Variants in COL7A1 observed in about 807,000 individuals in gnomAD.
COL7A1 encodes collagen type VII alpha 1 chain, also known as collagen alpha-1(VII) chain.
In COL7A1, 296 loss-of-function variants were observed where a neutral mutation model predicts 456.2. The ratio of observed to expected loss-of-function variants is 0.65; its 90% CI spans 0.59 to 0.71. The LOEUF is 0.71. Among genes scored for constraint, COL7A1 ranks in the 30% least tolerant of loss-of-function variants. The pLI, the probability that COL7A1 is intolerant of heterozygous loss-of-function variation, is 0.00. For missense variants in COL7A1, 3,441 were observed against 4,017.2 expected (o/e 0.86, Z 3.88); for synonymous variants, 1,464 against 1,525.9 (o/e 0.96, Z 0.95).
Position 48,565,401 on chromosome 3 carries a change from T to C in COL7A1, c.8527+9A>G, listed in dbSNP as rs780284810. On this transcript the variant is annotated intron_variant, in intron 116 of 118. Coordinates refer to ENST00000681320, the MANE Select transcript of COL7A1 (RefSeq NM_000094.4). The surrounding 1 kb of genome is among the most constrained non-coding windows in gnomAD (Gnocchi z 4.5). ...CCCATAGCTGCCCCACGGGTTCAGC[T>C]GTCCTCACCTTCCTCCTCTGCATGA... 1.6e-5 allele frequency: 25 copies of C among 1,600,030 alleles called. No individual in the cohort carries two copies. The South Asian group carries it at 2.8e-4, about 18-fold the overall frequency.
chr3:48,566,144 C>T lies in COL7A1; in HGVS notation c.8407+123G>A. The T allele has an allele frequency of 9.6e-7, 1 of 1,039,648 alleles. No homozygotes were observed. The allele number at this position is 1,039,648 out of a possible 1,614,324, so 64.4% of individuals were successfully genotyped here. On this transcript the variant is annotated intron_variant, in intron 114 of 118. Coordinates refer to ENST00000681320, the MANE Select transcript of COL7A1 (RefSeq NM_000094.4). This position sits in a 1 kb window ranked among gnomAD's most constrained non-coding sequence, Gnocchi z 5.9. Reference sequence around the variant, plus strand: ...GTGTCAGTCCTGCAGCACATGTGTCCTTCTGTGTATCCATCCATCCCCCCA... The same window carrying T: ...GTGTCAGTCCTGCAGCACATGTGTCTTTCTGTGTATCCATCCATCCCCCCA...
rs1014532231 is a variant in COL7A1, at chr3:48,591,337, T to C, written c.1636+127A>G. ...GCTCAGTGCCATCTTGGGAAGCAGA[T>C]GGATAACGAGACAGGGAGGAGACTA... On this transcript the variant is annotated intron_variant, in intron 13 of 118. Coordinates refer to ENST00000681320, the MANE Select transcript of COL7A1 (RefSeq NM_000094.4). The surrounding 1 kb of genome is among the most constrained non-coding windows in gnomAD (Gnocchi z 7.0). 30 of 1,322,188 alleles carry C rather than the reference T, an allele frequency of 2.3e-5. No homozygotes were observed. Among genetic ancestry groups the C allele is most frequent in the Non-Finnish European group, 3.0e-5 (29 of 957,232 alleles). The allele number at this position is 1,322,188 out of a possible 1,614,324, so 81.9% of individuals were successfully genotyped here.
At chr3:48,577,337 A>G (rs1370027759) in intron 65 of COL7A1, among the ~76,000 whole-genome samples, 4 of 152,188 alleles carry the variant, frequency 2.6e-5, no homozygotes, top group Non-Finnish European at 5.9e-5. Context: ...GTGCATATCC[A>G]TGTGTGTCTT....
At position 48,569,421 on chromosome 3, in the gene COL7A1, T is replaced by A; in HGVS notation, c.7640A>T (p.Asp2547Val). 1 of 1,614,040 alleles carries A rather than the reference T, an allele frequency of 6.2e-7. No individual in the cohort carries two copies. The highest frequency in any genetic ancestry group is 8.5e-7 in the Non-Finnish European group (1 of 1,179,970). ...GTCTCCCCGAGGTCCTTTGTCACCA[T>A]CCAAGCCCCGAGGCCCTCGTTCACC... ...DMGERGPRGL[D>V]GDKGPRGDNG... Residue 2547 changes from aspartate (D) to valine (V), a missense_variant, in exon 103 of 119, where the codon GAT (aspartate) becomes GTT (valine). By Grantham distance (152) the Asp-to-Val change is radical (BLOSUM62 -3). This residue lies in a region of COL7A1 where 2,084 missense variants were observed against 2,501.3 expected (regional missense o/e 0.83). Transcript: ENST00000681320. This position sits in a 1 kb window ranked among gnomAD's most constrained non-coding sequence, Gnocchi z 4.9.
At position 48,574,444 on chromosome 3, in the gene COL7A1, G is replaced by A. The variant is rs768096806; in HGVS notation, c.6456+44C>T. 5 of 1,613,648 alleles carry A rather than the reference G, an allele frequency of 3.1e-6. No homozygotes were observed. The highest frequency in any genetic ancestry group is 2.5e-6 in the Non-Finnish European group (3 of 1,179,616). On this transcript the variant is annotated intron_variant, in intron 79 of 118. Transcript: ENST00000681320. The surrounding 1 kb of genome is among the most constrained non-coding windows in gnomAD (Gnocchi z 5.0). ...CCTGCACACAGGACAATACATGTGA[G>A]AGCCACCTTCTTGCACATGTGTGGC...
chr3:48,590,556 C>A lies in COL7A1; in HGVS notation c.1809G>T (p.Gly603=), dbSNP rs368807817. The change falls in exon 15 of 119, where the codon GGG becomes GGT. Residue 603 remains glycine (G), a synonymous_variant. Transcript: ENST00000681320. The surrounding 1 kb of genome is among the most constrained non-coding windows in gnomAD (Gnocchi z 4.6). ...REPETPLAVP[G]LRVVVSDATR... is the part of the protein sequence containing the mutation. ...TTGCATCTGACACCACAACCCGCAGCCCTGGAACAGCAAGTGGAGTTTCCG... is the reference window on the plus strand; with the variant it reads ...TTGCATCTGACACCACAACCCGCAGACCTGGAACAGCAAGTGGAGTTTCCG... The A allele has an allele frequency of 1.1e-5, 17 of 1,614,024 alleles. No homozygotes were observed. Among genetic ancestry groups the A allele is most frequent in the Non-Finnish European group, 1.4e-5 (16 of 1,180,036 alleles).
chr3:48,572,433 G>A lies in COL7A1; in HGVS notation c.6937-12C>T. ...CCTCCAGGGGCTCCCTGGTAAGGGG[G>A]AGAGGTCAGTGGGATTCCTTGGCCC... On this transcript the variant is annotated splice_polypyrimidine_tract_variant and intron_variant, in intron 89 of 118. Coordinates refer to ENST00000681320, the MANE Select transcript of COL7A1 (RefSeq NM_000094.4). The surrounding 1 kb of genome is among the most constrained non-coding windows in gnomAD (Gnocchi z 4.6). 1 of 1,614,092 alleles carries A rather than the reference G, an allele frequency of 6.2e-7. No homozygotes were observed. The highest frequency in any genetic ancestry group is 8.5e-7 in the Non-Finnish European group (1 of 1,179,978).
chr3:48,588,479 C>G lies in COL7A1; in HGVS notation c.2588-75G>C, dbSNP rs529307008. The G allele has an allele frequency of 1.3e-5, 20 of 1,594,046 alleles. No individual in the cohort carries two copies. The East Asian group carries it at 4.5e-4, about 36-fold the overall frequency. On this transcript the variant is annotated intron_variant, in intron 20 of 118. Transcript: ENST00000681320. The surrounding 1 kb of genome is among the most constrained non-coding windows in gnomAD (Gnocchi z 4.6). ...CACCAATCCCAGGCCCACCCTGGCACACGCACCCCGCCCAGCCTCTCAGAC... is the reference window on the plus strand; with the variant it reads ...CACCAATCCCAGGCCCACCCTGGCAGACGCACCCCGCCCAGCCTCTCAGAC...
Position 48,594,657 on chromosome 3 carries a change from T to C in COL7A1, c.86-109A>G. ...ATGGTGGGGAGAGTAGGCCTCATCTTATGCAAACCAGGGCCGAATCGGCCT... is the reference window on the plus strand; with the variant it reads ...ATGGTGGGGAGAGTAGGCCTCATCTCATGCAAACCAGGGCCGAATCGGCCT... On this transcript the variant is annotated intron_variant, in intron 2 of 118. Coordinates refer to ENST00000681320, the MANE Select transcript of COL7A1 (RefSeq NM_000094.4). This position sits in a 1 kb window ranked among gnomAD's most constrained non-coding sequence, Gnocchi z 5.5. The C allele has an allele frequency of 7.5e-7, 1 of 1,340,964 alleles. No individual in the cohort carries two copies. Among genetic ancestry groups the C allele is most frequent in the Non-Finnish European group, 1.0e-6 (1 of 979,346 alleles). The allele number at this position is 1,340,964 out of a possible 1,614,324, so 83.1% of individuals were successfully genotyped here.
chr3:48,572,407 GC>G lies in COL7A1; in HGVS notation c.6950del (p.Gly2317AlafsTer71). The G allele has an allele frequency of 1.9e-6, 3 of 1,614,114 alleles. No homozygotes were observed. The highest frequency in any genetic ancestry group is 2.5e-6 in the Non-Finnish European group (3 of 1,179,996). On this transcript the variant is annotated frameshift_variant, in exon 90 of 119. Transcript: ENST00000681320. LOFTEE classifies it high-confidence loss of function. The surrounding 1 kb of genome is among the most constrained non-coding windows in gnomAD (Gnocchi z 4.6). ...GAKGEKGAPG[G>X]LAGDLVGEPG... Reference sequence around the variant, plus strand: ...GCTCACCCACCAGGTCTCCAGCAAGGCCTCCAGGGGCTCCCTGGTAAGGGGG... The same window carrying G: ...GCTCACCCACCAGGTCTCCAGCAAGGCTCCAGGGGCTCCCTGGTAAGGGGG...
At position 48,583,922 on chromosome 3, in the gene COL7A1, G is replaced by A. The variant is rs757895615; in HGVS notation, c.4256C>T (p.Ala1419Val). ...CACCGGCAGCCCAGGCTCCCCAGGAGCAATGCCACCTTCACCTGGTCCAGG... is the reference window on the plus strand; with the variant it reads ...CACCGGCAGCCCAGGCTCCCCAGGAACAATGCCACCTTCACCTGGTCCAGG... ...GPPGPGEGGI[A>V]PGEPGLPGLP... The change falls in exon 39 of 119, where the codon GCT becomes GTT. Residue 1419 changes from alanine to valine, a missense_variant. Transcript: ENST00000681320. This position sits in a 1 kb window ranked among gnomAD's most constrained non-coding sequence, Gnocchi z 5.1. 6.2e-7 allele frequency: 1 copy of A among 1,613,982 alleles called. No individual in the cohort carries two copies. Among genetic ancestry groups the A allele is most frequent in the East Asian group, 2.2e-5 (1 of 44,874 alleles).
chr3:48,579,511 A>G lies in COL7A1; in HGVS notation c.5240T>C (p.Ile1747Thr). 6.2e-7 allele frequency: 1 copy of G among 1,613,952 alleles called. No homozygotes were observed. Among genetic ancestry groups the G allele is most frequent in the Non-Finnish European group, 8.5e-7 (1 of 1,179,992 alleles). ...GCCTGGGGGTCCCCGAAACCCTTCA[A>G]TGCCCTGAGGATAGGGGAGGAAGAA... ...GLPGAPGERG[I>T]EGFRGPPGPQ... Residue 1747 changes from isoleucine (I) to threonine (T), a missense_variant, in exon 60 of 119, where the codon ATT (isoleucine) becomes ACT (threonine). Ile to Thr is a moderately conservative substitution (Grantham distance 89). This residue lies in a region of COL7A1 where 2,084 missense variants were observed against 2,501.3 expected (regional missense o/e 0.83). Coordinates refer to ENST00000681320, the MANE Select transcript of COL7A1 (RefSeq NM_000094.4). The surrounding 1 kb of genome is among the most constrained non-coding windows in gnomAD (Gnocchi z 4.4).
Position 48,588,215 on chromosome 3 carries a change from A to G in COL7A1, c.2710+67T>C, listed in dbSNP as rs947082161. ...CCGCCCACCATCACTGTCCTCGCCTACCTTGCGGAGTCTGCCACAGCCCTG... is the reference window on the plus strand; with the variant it reads ...CCGCCCACCATCACTGTCCTCGCCTGCCTTGCGGAGTCTGCCACAGCCCTG... On this transcript the variant is annotated intron_variant, in intron 21 of 118. Coordinates refer to ENST00000681320, the MANE Select transcript of COL7A1 (RefSeq NM_000094.4). The surrounding 1 kb of genome is among the most constrained non-coding windows in gnomAD (Gnocchi z 4.6). 5 of 1,610,748 alleles carry G rather than the reference A, an allele frequency of 3.1e-6. No individual in the cohort carries two copies. Among genetic ancestry groups the G allele is most frequent in the South Asian group, 1.1e-5 (1 of 90,986 alleles).
rs2854407 is a variant in COL7A1, at chr3:48,572,209, C to A, written c.6979-38G>T. 3 of 1,613,992 alleles carry A rather than the reference C, an allele frequency of 1.9e-6. No individual in the cohort carries two copies. Among genetic ancestry groups the A allele is most frequent in the South Asian group, 2.2e-5 (2 of 91,064 alleles). ...GTCAGGAGGCAACACAGGCATCAGT[C>A]ACAGAAAGATGAGACTCCGGAGGGA... is the stretch of plus-strand genomic sequence containing the variant. On this transcript the variant is annotated intron_variant, in intron 90 of 118. Transcript: ENST00000681320. The surrounding 1 kb of genome is among the most constrained non-coding windows in gnomAD (Gnocchi z 4.6).
chr3:48,577,895 C>T (rs916320744), intron 65 of COL7A1, among the ~76,000 whole-genome samples: 4 of 152,188 alleles, frequency 2.6e-5, no homozygotes, highest in African/African-American at 9.6e-5. Flanking sequence ...AGGCCTGGCG[C>T]AATGGCTCAC....
Position 48,584,763 on chromosome 3 carries a change from G to T in COL7A1, c.4018C>A (p.Arg1340=), listed in dbSNP as rs761927109. ...LPGPRGDPGE[R]GPRGPKGEPG... ...TCCCCCTTTGGGCCTCGAGGTCCTC[G>T]CTCTCCCTGAGGACGAAACAGAGCA... The change falls in exon 35 of 119, where the codon CGA becomes AGA. Residue 1340 remains arginine (R), a synonymous_variant. Coordinates refer to ENST00000681320, the MANE Select transcript of COL7A1 (RefSeq NM_000094.4). 6.2e-7 allele frequency: 1 copy of T among 1,613,938 alleles called. No individual in the cohort carries two copies. Among genetic ancestry groups the T allele is most frequent in the Non-Finnish European group, 8.5e-7 (1 of 1,180,008 alleles).
At position 48,568,241 on chromosome 3, in the gene COL7A1, T is replaced by A; in HGVS notation, c.7795-71A>T. ...GACCAAAGAGAATCGCCCTGGATAG[T>A]GGGTAGGGAACACCATGGGGTGGGA... On this transcript the variant is annotated intron_variant, in intron 105 of 118. Transcript: ENST00000681320. This position sits in a 1 kb window ranked among gnomAD's most constrained non-coding sequence, Gnocchi z 5.2. 1.3e-6 allele frequency: 2 copies of A among 1,545,724 alleles called. No homozygotes were observed. Among genetic ancestry groups the A allele is most frequent in the Admixed American group, 3.4e-5 (2 of 59,510 alleles).
At position 48,588,600 on chromosome 3, in the gene COL7A1, C is replaced by T; in HGVS notation, c.2587+42G>A. 1 of 1,613,678 alleles carries T rather than the reference C, an allele frequency of 6.2e-7. No homozygotes were observed. Among genetic ancestry groups the T allele is most frequent in the South Asian group, 1.1e-5 (1 of 91,088 alleles). On this transcript the variant is annotated intron_variant, in intron 20 of 118. Coordinates refer to ENST00000681320, the MANE Select transcript of COL7A1 (RefSeq NM_000094.4). The surrounding 1 kb of genome is among the most constrained non-coding windows in gnomAD (Gnocchi z 4.6). ...CACAAGCCCGGATCCCCAAACCATC[C>T]ACACCACCCATCCGAAGCTCTCCAG...
In COL7A1 at chr3:48,566,686, C is replaced by T. The variant is rs1064797081; in HGVS notation, c.8278G>A (p.Gly2760Arg). 1.2e-6 allele frequency: 2 copies of T among 1,614,082 alleles called. No homozygotes were observed. Among genetic ancestry groups the T allele is most frequent in the Non-Finnish European group, 1.7e-6 (2 of 1,179,992 alleles). ...TGCTCCCCTCTCTCGCCAGGAGCTCCAGGGACCCCAGGAGCCCCCACCACT... is the reference window on the plus strand; with the variant it reads ...TGCTCCCCTCTCTCGCCAGGAGCTCTAGGGACCCCAGGAGCCCCCACCACT... ...ERVVGAPGVP[G>R]APGERGEQGR... The change falls in exon 112 of 119, where the codon GGA becomes AGA. Residue 2760 changes from glycine (G) to arginine (R), a missense_variant. Physicochemically the swap from Gly to Arg is moderately radical, Grantham distance 125. Transcript: ENST00000681320. This position sits in a 1 kb window ranked among gnomAD's most constrained non-coding sequence, Gnocchi z 5.9.
Sources: gnomAD v4.1 joint callset for allele counts (sites outside exome capture counted in the v4.1 genomes callset) on GRCh38, gnomAD v4.1.1 for gene constraint, gnomAD v4.1.1 regional missense constraint, Gnocchi (gnomAD v3.1) non-coding constraint, MANE v1.5 for transcripts, NCBI Gene and HGNC (gene_info 2026-07-23, HGNC 2026-07-21) for gene names.